Variants in ATP1A1 observed in about 807,000 individuals in gnomAD.
ATP1A1 encodes ATPase Na+/K+ transporting subunit alpha 1.
Under a neutral mutation model 114.8 loss-of-function variants are expected in ATP1A1, and 14 were observed. The observed-to-expected ratio is 0.12, with a 90% CI of 0.08 to 0.19. The LOEUF is 0.19. Among genes scored for constraint, ATP1A1 ranks in the 10% least tolerant of loss-of-function variants. The pLI is 1.00. For missense variants in ATP1A1, 524 were observed against 1,290.7 expected (o/e 0.41, Z 9.10); for synonymous variants, 471 against 466.3 (o/e 1.01, Z -0.13).
At position 116,390,784 on chromosome 1, in the gene ATP1A1, G is replaced by A; in HGVS notation, c.1225G>A (p.Val409Ile). ...TTGTGTTTTCTTGCCTCCATCAGGTGTCTCTTTTGACAAGACTTCAGCTAC... is the reference window on the plus strand; with the variant it reads ...TTGTGTTTTCTTGCCTCCATCAGGTATCTCTTTTGACAAGACTTCAGCTAC... ...EADTTENQSGVSFDKTSATWL... is the reference protein window; with the variant it reads ...EADTTENQSGISFDKTSATWL... Residue 409 changes from valine to isoleucine, a missense_variant and splice_region_variant, in exon 10 of 23, where the codon GTC becomes ATC. Physicochemically the swap from Val to Ile is conservative, Grantham distance 29 (BLOSUM62 3). Transcript: ENST00000295598. The A allele has an allele frequency of 6.2e-7, 1 of 1,613,766 alleles. No individual in the cohort carries two copies. Among genetic ancestry groups the A allele is most frequent in the Non-Finnish European group, 8.5e-7 (1 of 1,179,706 alleles).
Position 116,373,503 on chromosome 1 carries a change from A to G in ATP1A1, c.-9A>G. 6.7e-7 allele frequency: 1 copy of G among 1,494,982 alleles called. No homozygotes were observed. 92.6% of individuals were successfully genotyped at this position (1,494,982 alleles called of 1,614,324 possible). ...CAGGACCCGGCGCCGGGCACTGAGC[A>G]CCGCCACCATGGGGAAGGGGGTGAG... On this transcript the variant is annotated 5_prime_UTR_variant, in exon 1 of 23. Coordinates refer to ENST00000295598, the MANE Select transcript of ATP1A1 (RefSeq NM_000701.8).
At position 116,397,475 on chromosome 1, in the gene ATP1A1, A is replaced by G. The variant is rs1653027795; in HGVS notation, c.1974-413A>G. On this transcript the variant is annotated intron_variant, in intron 14 of 22. Coordinates refer to ENST00000295598, the MANE Select transcript of ATP1A1 (RefSeq NM_000701.8). This position sits in a 1 kb window ranked among gnomAD's most constrained non-coding sequence, Gnocchi z 4.2. ...GCTGGGATTACAGGCCCCAACCACC[A>G]TGCCCGGCTAATTTTTGAATTTTTA... 2.0e-5 allele frequency among the ~76,000 whole-genome samples: 3 copies of G among 152,006 alleles called. No homozygotes were observed. In the South Asian group the frequency reaches 6.2e-4, roughly 32 times the overall value.
At chr1:116,392,405 C>T (rs1472493773) in intron 10 of ATP1A1, 1 of 153,146 alleles carries the variant, frequency 6.5e-6, no homozygotes, top group Non-Finnish European at 1.5e-5. Flanking sequence ...TAAGCATTTT[C>T]TTACGAATTC....
At position 116,401,960 on chromosome 1, in the gene ATP1A1, CCAGTT is replaced by C; in HGVS notation, c.2951+306_2951+310del. The C allele has an allele frequency of 3.1e-6, 1 of 321,664 alleles. No individual in the cohort carries two copies. Among genetic ancestry groups the C allele is most frequent in the Non-Finnish European group, 5.7e-6 (1 of 176,770 alleles). 19.9% of individuals were successfully genotyped at this position (321,664 alleles called of 1,614,324 possible). On this transcript the variant is annotated intron_variant, in intron 21 of 22. Coordinates refer to ENST00000295598, the MANE Select transcript of ATP1A1 (RefSeq NM_000701.8). The surrounding 1 kb of genome is among the most constrained non-coding windows in gnomAD (Gnocchi z 4.7). ...CACTCAGGTCTGCCACAGCTGTAGT[CCAGTT>C]GTCTTTAGAGGCCAACTGGGGGTAT...
Position 116,401,998 on chromosome 1 carries a change from C to T in ATP1A1, c.2951+343C>T, listed in dbSNP as rs374504367. 47 of 231,026 alleles carry T rather than the reference C, an allele frequency of 2.0e-4. No individual in the cohort carries two copies. The South Asian group carries it at 2.7e-3, about 13-fold the overall frequency. The allele number at this position is 231,026 out of a possible 1,614,324, so 14.3% of individuals were successfully genotyped here. Reference sequence around the variant, plus strand: ...GAGGCCAACTGGGGGTATGCTGGAGCGTAGGCGCCCAGGCTCAAATCTTGA... The same window carrying T: ...GAGGCCAACTGGGGGTATGCTGGAGTGTAGGCGCCCAGGCTCAAATCTTGA... On this transcript the variant is annotated intron_variant, in intron 21 of 22. Coordinates refer to ENST00000295598, the MANE Select transcript of ATP1A1 (RefSeq NM_000701.8). This position sits in a 1 kb window ranked among gnomAD's most constrained non-coding sequence, Gnocchi z 4.7.
chr1:116,392,787 C>G, intron 10 of ATP1A1, 67 bp from the exon 11 acceptor site: 1 of 1,555,088 alleles, frequency 6.4e-7, no homozygotes. Context: ...GTTATTTTTC[C>G]TGTTTTTTAG....
chr1:116,383,288 A>G, intron 1 of ATP1A1: 1 of 944,808 alleles, frequency 1.1e-6, no homozygotes, highest in East Asian at 1.1e-4. Context: ...AAAGAATTTT[A>G]AGGAGTCTTA....
At chr1:116,386,208 C>T (rs1652080329) in intron 3 of ATP1A1, 1 of 148,268 alleles carries the variant, frequency 6.7e-6, no homozygotes, top group Non-Finnish European at 1.5e-5. Context: ...GCACTTTAAG[C>T]TCCAAGAGGA....
In ATP1A1 at chr1:116,400,934, C is replaced by T. The variant is rs1261030089; in HGVS notation, c.2646C>T (p.His882=). 2.5e-6 allele frequency: 4 copies of T among 1,614,196 alleles called. No homozygotes were observed. The highest frequency in any genetic ancestry group is 2.2e-5 in the South Asian group (2 of 91,080). ...ILAENGFLPI[H]LLGLRVDWDD... is the part of the protein sequence containing the mutation. ...CTGAGAACGGCTTCCTCCCAATTCA[C>T]CTGTTGGGCCTCCGAGTGGACTGGG... Residue 882 remains histidine (H), a synonymous_variant, in exon 19 of 23, where the codon CAC becomes CAT. Coordinates refer to ENST00000295598, the MANE Select transcript of ATP1A1 (RefSeq NM_000701.8).
In ATP1A1 at chr1:116,373,497, C is replaced by T. The variant is rs850601; in HGVS notation, c.-15C>T. Reference sequence around the variant, plus strand: ...CAGCGACAGGACCCGGCGCCGGGCACTGAGCACCGCCACCATGGGGAAGGG... The same window carrying T: ...CAGCGACAGGACCCGGCGCCGGGCATTGAGCACCGCCACCATGGGGAAGGG... On this transcript the variant is annotated 5_prime_UTR_variant, in exon 1 of 23. Transcript: ENST00000295598. 4 of 1,509,892 alleles carry T rather than the reference C, an allele frequency of 2.6e-6. No homozygotes were observed. The highest frequency in any genetic ancestry group is 1.3e-5 in the South Asian group (1 of 79,884). 93.5% of individuals were successfully genotyped at this position (1,509,892 alleles called of 1,614,324 possible). A position where few individuals can be genotyped will look rare whatever the true frequency, so the allele number is the denominator to read the frequency against.
rs1164661519 is a variant in ATP1A1 at position 116,387,568 on chromosome 1, C to T, written c.387+77C>T. The T allele has an allele frequency of 2.0e-6, 3 of 1,466,258 alleles. No homozygotes were observed. The Admixed American group carries it at 5.3e-5, about 26-fold the overall frequency. The allele number at this position is 1,466,258 out of a possible 1,614,324, so 90.8% of individuals were successfully genotyped here. A position where few individuals can be genotyped will look rare whatever the true frequency, so the allele number is the denominator to read the frequency against. On this transcript the variant is annotated intron_variant, in intron 4 of 22. Transcript: ENST00000295598. This position sits in a 1 kb window ranked among gnomAD's most constrained non-coding sequence, Gnocchi z 6.7. ...TCCGTCTTTGTCTCCCACTTCTTCT[C>T]AATTACCACTCATTACTTAATGGTT...
At chr1:116,382,306 A>G (rs911811278) in intron 1 of ATP1A1, 2 of 152,224 alleles carry the variant, frequency 1.3e-5, no homozygotes, top group Admixed American at 6.5e-5. Context: ...AGCTAAAGAT[A>G]TACCACTTTA....
rs1346636921 is a variant in ATP1A1 at position 116,387,352 on chromosome 1, C to G, written c.248C>G (p.Pro83Arg). 3 of 1,614,216 alleles carry G rather than the reference C, an allele frequency of 1.9e-6. No homozygotes were observed. Among genetic ancestry groups the G allele is most frequent in the Non-Finnish European group, 2.5e-6 (3 of 1,180,038 alleles). ...ARDGPNALTP[P>R]PTTPEWIKFC... ...GATGGTCCCAACGCCCTCACTCCCC[C>G]TCCCACTACTCCTGAATGGATCAAG... Residue 83 changes from proline (P) to arginine (R), a missense_variant, in exon 4 of 23, where the codon CCT becomes CGT. Physicochemically the swap from Pro to Arg is moderately radical, Grantham distance 103. This residue lies in a region of ATP1A1 where 141 missense variants were observed against 316.6 expected (regional missense o/e 0.45). Transcript: ENST00000295598. This position sits in a 1 kb window ranked among gnomAD's most constrained non-coding sequence, Gnocchi z 6.7.
At position 116,395,394 on chromosome 1, in the gene ATP1A1, A is replaced by T; in HGVS notation, c.1836+109A>T. On this transcript the variant is annotated intron_variant, in intron 13 of 22. Transcript: ENST00000295598. This position sits in a 1 kb window ranked among gnomAD's most constrained non-coding sequence, Gnocchi z 6.4. Reference sequence around the variant, plus strand: ...TGGCCAGCTGTTCTATCTCACCTGGAGTATTAATTTCTCATCTCCAAAGCT... The same window carrying T: ...TGGCCAGCTGTTCTATCTCACCTGGTGTATTAATTTCTCATCTCCAAAGCT... The T allele has an allele frequency of 8.3e-7, 1 of 1,199,278 alleles. No individual in the cohort carries two copies. Among genetic ancestry groups the T allele is most frequent in the Non-Finnish European group, 1.1e-6 (1 of 879,916 alleles). The allele number at this position is 1,199,278 out of a possible 1,614,324, so 74.3% of individuals were successfully genotyped here. A position where few individuals can be genotyped will look rare whatever the true frequency, so the allele number is the denominator to read the frequency against.
chr1:116,373,842 T>C, intron 1 of ATP1A1: 4 of 1,116,426 alleles, frequency 3.6e-6, no homozygotes, highest in Non-Finnish European at 4.3e-6. Context: ...TTGGGAAGCC[T>C]CGGGGCCGGG....
intron 10 of ATP1A1, 158 bp from the exon 11 acceptor site, chr1:116,392,696 G>C (rs1009354098): frequency 1.7e-5 from 14 of 830,928 alleles, no homozygotes; most frequent in Non-Finnish European, 2.4e-5. Flanking sequence ...CGGGGCTAGA[G>C]GGACTCCTGT....
At chr1:116,376,218 A>C (rs1651355371) in intron 1 of ATP1A1, among the ~76,000 whole-genome samples, 1 of 152,194 alleles carries the variant, frequency 6.6e-6, no homozygotes, top group Non-Finnish European at 1.5e-5. Flanking sequence ...TACCGAAAAA[A>C]TAAATCATAG....
chr1:116,390,434 C>T, intron 9 of ATP1A1, 23 bp downstream of exon 9: 1 of 1,594,204 alleles, frequency 6.3e-7, no homozygotes, highest in Non-Finnish European at 8.6e-7. Context: ...TTACCACACA[C>T]CTCAGCCACC....
intron 1 of ATP1A1, chr1:116,383,408 CAGTATAAA>C: frequency 1.0e-6 from 1 of 957,832 alleles, no homozygotes; most frequent in Non-Finnish European, 1.3e-6. Context: ...AGAATATAAA[CAGTATAAA>C]AGTACTAGCA....
Sources: gnomAD v4.1 joint callset for allele counts (sites outside exome capture counted in the v4.1 genomes callset) on GRCh38, gnomAD v4.1.1 for gene constraint, gnomAD v4.1.1 regional missense constraint, Gnocchi (gnomAD v3.1) non-coding constraint, MANE v1.5 for transcripts, NCBI Gene and HGNC (gene_info 2026-07-23, HGNC 2026-07-21) for gene names.